Variants in UPF2 observed in about 807,000 individuals in gnomAD.
UPF2 encodes the protein UPF2 regulator of nonsense mediated mRNA decay.
Under a neutral mutation model 141.4 loss-of-function variants are expected in UPF2, and 17 were observed. The ratio of observed to expected loss-of-function variants is 0.12; its 90% CI spans 0.08 to 0.18. The LOEUF is 0.18. UPF2 is among the 10% of genes least tolerant of loss of function. The pLI, the probability that UPF2 is intolerant of heterozygous loss-of-function variation, is 1.00. For missense variants in UPF2, 1,152 were observed against 1,515.9 expected, an observed-to-expected ratio of 0.76 and a Z score of 3.99; for synonymous variants, 540 against 498.0, an observed-to-expected ratio of 1.08 and a Z score of -1.12.
At chr10:12,023,189 T>C (rs1041829508) in intron 3 of UPF2, among the ~76,000 whole-genome samples, 1 of 152,184 alleles carries the variant, frequency 6.6e-6, no homozygotes, top group African/African-American at 2.4e-5. Context: ...AATATACTAA[T>C]AGGACCTCTA....
rs574728454 is a variant in UPF2 at position 11,967,964 on chromosome 10, G to A, written c.1954-510C>T. 1.6e-4 allele frequency among the ~76,000 whole-genome samples: 25 copies of A among 152,252 alleles called. 1 individual carries two copies. The highest frequency in any genetic ancestry group is 5.9e-4 in the Admixed American group (9 of 15,296). On this transcript the variant is annotated intron_variant, in intron 9 of 21. Coordinates refer to ENST00000357604, the MANE Select transcript of UPF2 (RefSeq NM_015542.4). Reference sequence around the variant, plus strand: ...CAGGAGGCCGAGGTTGGCGGATCACGAGGTCAGGAGTTCGAGACTGCCTGG... The same window carrying A: ...CAGGAGGCCGAGGTTGGCGGATCACAAGGTCAGGAGTTCGAGACTGCCTGG...
At position 11,959,810 on chromosome 10, in the gene UPF2, A is replaced by C. The variant is rs1833211641; in HGVS notation, c.2185-454T>G. Among the ~76,000 whole-genome samples the C allele has an allele frequency of 6.6e-6, 1 of 152,168 alleles. No individual in the cohort carries two copies. The highest frequency in any genetic ancestry group is 2.4e-5 in the African/African-American group (1 of 41,442). On this transcript the variant is annotated intron_variant, in intron 11 of 21. Transcript: ENST00000357604. The surrounding 1 kb of genome is among the most constrained non-coding windows in gnomAD (Gnocchi z 5.9). ...GAGGTGGGGGTGGTGAGACAAAAAC[A>C]ATCAACAGGCATATCAAAGAGCATG... is the stretch of plus-strand genomic sequence containing the variant.
intron 18 of UPF2, among the ~76,000 whole-genome samples, chr10:11,938,860 T>TTTTTTTG (rs1564337814): frequency 2.8e-5 from 2 of 71,360 alleles, no homozygotes; most frequent in South Asian, 1.9e-3. Flanking sequence ...TTTGTTTTTT[T>TTTTTTTG]TTTTTTTTTT....
At chr10:11,991,598 C>T (rs1333821177) in intron 8 of UPF2, among the ~76,000 whole-genome samples, 1 of 151,520 alleles carries the variant, frequency 6.6e-6, no homozygotes, top group Non-Finnish European at 1.5e-5. Flanking sequence ...TTTGGGCAGC[C>T]ATTTAAATGA....
intron 21 of UPF2, among the ~76,000 whole-genome samples, chr10:11,922,647 G>A (rs1832660204): frequency 1.3e-5 from 2 of 152,122 alleles, no homozygotes; most frequent in Non-Finnish European, 2.9e-5. Flanking sequence ...ATCATTCTGA[G>A]TGACTCAAAA....
At chr10:12,017,267 A>G (rs1318863818) in intron 3 of UPF2, among the ~76,000 whole-genome samples, 1 of 152,252 alleles carries the variant, frequency 6.6e-6, no homozygotes, top group East Asian at 1.9e-4. Context: ...TCAGAATAAC[A>G]TAACCCAAAA....
At position 11,970,288 on chromosome 10, in the gene UPF2, C is replaced by T. The variant is rs74119917; in HGVS notation, c.1954-2834G>A. On this transcript the variant is annotated intron_variant, in intron 9 of 21. Transcript: ENST00000357604. ...TTTTAATGACAGGGTAAAATGCTTCCGAGAAATAACAGAAAATTATACATA... is the reference window on the plus strand; with the variant it reads ...TTTTAATGACAGGGTAAAATGCTTCTGAGAAATAACAGAAAATTATACATA... Among the ~76,000 whole-genome samples, 1,427 of 150,964 alleles carry T rather than the reference C, an allele frequency of 9.5e-3. 20 individuals are homozygous for T. Among genetic ancestry groups the T allele is most frequent in the African/African-American group, 0.033 (1,343 of 41,054 alleles).
chr10:12,008,733 T>C (rs778203933), intron 4 of UPF2, among the ~76,000 whole-genome samples: 1 of 151,778 alleles, frequency 6.6e-6, no homozygotes, highest in Non-Finnish European at 1.5e-5. Context: ...TGTGCAGGTG[T>C]GTTACATAGG....
At chr10:12,006,955 C>A (rs1275855363) in intron 4 of UPF2, among the ~76,000 whole-genome samples, 1 of 152,178 alleles carries the variant, frequency 6.6e-6, no homozygotes, top group African/African-American at 2.4e-5. Context: ...CTCACCCACC[C>A]ATCTGTGAAG....
intron 8 of UPF2, among the ~76,000 whole-genome samples, chr10:11,997,393 C>CA (rs11436686): frequency 0.97 from 147,671 of 152,268 alleles, 71,773 homozygotes; most frequent in Middle Eastern, 1. Flanking sequence ...GGCAAAAATG[C>CA]AAACAATTGC....
At chr10:12,024,213 T>A (rs1044138841) in intron 3 of UPF2, among the ~76,000 whole-genome samples, 3 of 151,464 alleles carry the variant, frequency 2.0e-5, no homozygotes, top group African/African-American at 7.3e-5. Context: ...AACCCAGAAG[T>A]TTGGGAGGCC....
chr10:11,944,934 G>C (rs1332111603), intron 16 of UPF2, among the ~76,000 whole-genome samples: 1 of 152,168 alleles, frequency 6.6e-6, no homozygotes, highest in African/African-American at 2.4e-5. Flanking sequence ...GCCATCACCT[G>C]CTCTATGATC....
chr10:11,973,232 T>C (rs1002596917), intron 9 of UPF2, among the ~76,000 whole-genome samples: 1 of 152,250 alleles, frequency 6.6e-6, no homozygotes, highest in Non-Finnish European at 1.5e-5. Flanking sequence ...GACGGGGCTG[T>C]TTAATTTTTT....
chr10:11,962,427 G>C (rs1028729768), intron 11 of UPF2, among the ~76,000 whole-genome samples: 4 of 152,016 alleles, frequency 2.6e-5, no homozygotes, highest in Non-Finnish European at 4.4e-5. Flanking sequence ...TCTTATCTTA[G>C]GGTACTTCCT....
intron 9 of UPF2, among the ~76,000 whole-genome samples, chr10:11,971,532 G>A (rs1009718544): frequency 1.3e-5 from 2 of 152,102 alleles, no homozygotes; most frequent in African/African-American, 2.4e-5. Flanking sequence ...GATTACAGGC[G>A]TGAGCCACCG....
At chr10:12,026,552 A>C (rs1834422781) in intron 3 of UPF2, 1 of 432,194 alleles carries the variant, frequency 2.3e-6, no homozygotes, top group Non-Finnish European at 4.6e-6. Context: ...TCCTCAAACC[A>C]TCTGTGGTAA....
At chr10:12,035,653 TG>T in intron 1 of UPF2, 1 of 482,644 alleles carries the variant, frequency 2.1e-6, no homozygotes, top group South Asian at 6.6e-5. Context: ...TCTAAGTACT[TG>T]TTTTTTACTT....
chr10:11,954,273 G>C (rs1833113375), intron 14 of UPF2, among the ~76,000 whole-genome samples: 1 of 151,946 alleles, frequency 6.6e-6, no homozygotes, highest in Non-Finnish European at 1.5e-5. Flanking sequence ...ACAAATAAAT[G>C]AACAAATATT....
At chr10:12,041,532 G>T (rs1422611659) in intron 1 of UPF2, among the ~76,000 whole-genome samples, 3 of 152,076 alleles carry the variant, frequency 2.0e-5, no homozygotes, top group Non-Finnish European at 4.4e-5. Context: ...GCACAAAAGG[G>T]GGTGTTTCCC....
Sources: allele counts gnomAD v4.1 joint callset (sites outside exome capture counted in the v4.1 genomes callset), GRCh38; gene constraint gnomAD v4.1.1; non-coding constraint Gnocchi (gnomAD v3.1); transcripts MANE v1.5; gene names NCBI Gene and HGNC (gene_info 2026-07-23, HGNC 2026-07-21).